CHM: variants seen among roughly 807,000 people sequenced by gnomAD.
The protein encoded by CHM is rab proteins geranylgeranyltransferase component A 1.
Under a neutral mutation model 49.0 loss-of-function variants are expected in CHM, and 10 were observed. The ratio of observed to expected loss-of-function variants is 0.20; its 90% CI spans 0.13 to 0.35. The LOEUF is 0.35. Among genes scored for constraint, CHM ranks in the 10% least tolerant of loss-of-function variants. The pLI, the probability that CHM is intolerant of heterozygous loss-of-function variation, is 1.00. For synonymous variants in CHM, 184 were observed against 167.5 expected (o/e 1.10, Z -0.76); for missense variants, 455 against 478.4 (o/e 0.95, Z 0.46).
intron 4 of CHM, chrX:85,970,380 G>C (rs1369641433): frequency 1.3e-6 from 1 of 748,876 alleles, no homozygotes; most frequent in African/African-American, 2.3e-5. Context: ...AATTAAAGAA[G>C]TAAATGCACT....
chrX:85,878,931 C>G, intron 13 of CHM, 34 bp downstream of exon 13: 1 of 983,927 alleles, frequency 1.0e-6, no homozygotes, highest in East Asian at 3.1e-5. Flanking sequence ...GTTACATTAC[C>G]TTTCCATCAT....
intron 4 of CHM, among the ~76,000 whole-genome samples, chrX:85,978,094 T>A (rs1397451781): frequency 1.8e-5 from 2 of 111,832 alleles, no homozygotes; most frequent in South Asian, 7.4e-4. Flanking sequence ...TATGTGATTA[T>A]TACCTTTTAA....
At chrX:85,928,632 G>T (rs1928235943) in intron 8 of CHM, among the ~76,000 whole-genome samples, 1 of 112,475 alleles carries the variant, frequency 8.9e-6, no homozygotes, top group Non-Finnish European at 1.9e-5. Flanking sequence ...TTTGAAAATA[G>T]CTTCCAAATT....
intron 9 of CHM, 117 bp downstream of exon 9, chrX:85,911,144 T>C (rs12389129): frequency 6.5e-5 from 1 of 15,433 alleles, no homozygotes; most frequent in African/African-American, 3.5e-4. Context: ...TATATATATA[T>C]ATATATATAT....
chrX:85,872,597 TA>T (rs1358586168), intron 14 of CHM, among the ~76,000 whole-genome samples: 1 of 112,030 alleles, frequency 8.9e-6, no homozygotes. Flanking sequence ...TTTCTATGAT[TA>T]AAAAATGCAT....
intron 12 of CHM, among the ~76,000 whole-genome samples, chrX:85,879,881 C>T (rs1315191509): frequency 1.8e-5 from 2 of 109,388 alleles, no homozygotes; most frequent in African/African-American, 6.7e-5. Flanking sequence ...AATTCCTCCC[C>T]CCACTATATT....
At position 85,911,345 on chromosome X, in the gene CHM, A is replaced by G; in HGVS notation, c.1167-7T>C. The G allele has an allele frequency of 1.0e-6, 1 of 1,001,301 alleles. No individual in the cohort carries two copies. Among genetic ancestry groups the G allele is most frequent in the Non-Finnish European group, 1.3e-6 (1 of 746,337 alleles). The allele number at this position is 1,001,301 out of a possible 1,213,427, so 82.5% of individuals were successfully genotyped here. A position where few individuals can be genotyped will look rare whatever the true frequency, so the allele number is the denominator to read the frequency against. On this transcript the variant is annotated splice_polypyrimidine_tract_variant and splice_region_variant and intron_variant, in intron 8 of 14. Coordinates refer to ENST00000357749, the MANE Select transcript of CHM (RefSeq NM_000390.4). ...ACCAAACACAGCACACATCCTAGAA[A>G]GAGAACAGAAAAATAAGAATTAGGG...
chrX:85,938,834 T>TG (rs1569419596), intron 8 of CHM, among the ~76,000 whole-genome samples: 13 of 110,517 alleles, frequency 1.2e-4, no homozygotes, highest in African/African-American at 4.0e-4. Flanking sequence ...GTGTGTGTGT[T>TG]TTTAATGATG....
Position 85,947,578 on chromosome X carries a change from ACG to A in CHM, c.1166+8573_1166+8574del, listed in dbSNP as rs1185662282. Among the ~76,000 whole-genome samples, 4 of 111,568 alleles carry A rather than the reference ACG, an allele frequency of 3.6e-5. No homozygotes were observed. In the East Asian group the frequency reaches 1.1e-3, roughly 31 times the overall value. ...AATCCTGCAGAACCATGAGCCAATT[ACG>A]CCTCTTTTCATTATAAATTACCCAG... is the stretch of plus-strand genomic sequence containing the variant. On this transcript the variant is annotated intron_variant, in intron 8 of 14. Coordinates refer to ENST00000357749, the MANE Select transcript of CHM (RefSeq NM_000390.4).
At chrX:85,876,706 C>T (rs1924437511) in intron 13 of CHM, among the ~76,000 whole-genome samples, 1 of 111,483 alleles carries the variant, frequency 9.0e-6, no homozygotes, top group Admixed American at 9.6e-5. Context: ...TTTTCAGTGC[C>T]TCAGTGCACC....
intron 5 of CHM, among the ~76,000 whole-genome samples, chrX:85,962,638 T>C (rs1458014807): frequency 1.8e-5 from 2 of 111,767 alleles, no homozygotes; most frequent in African/African-American, 3.3e-5. Context: ...TCTTGTGCTA[T>C]TCACTATCCT....
intron 4 of CHM, among the ~76,000 whole-genome samples, chrX:85,966,340 A>C (rs1930581556): frequency 2.0e-5 from 2 of 102,218 alleles, no homozygotes; most frequent in Admixed American, 2.1e-4. Flanking sequence ...CAAGAGCAAA[A>C]CTCCGTCTAA....
intron 8 of CHM, among the ~76,000 whole-genome samples, chrX:85,938,278 C>G (rs1475735970): frequency 8.9e-6 from 1 of 112,179 alleles, no homozygotes; most frequent in Non-Finnish European, 1.9e-5. Context: ...ATCATACAAA[C>G]ATAATCATGT....
chrX:85,883,941 A>G (rs760088384), intron 12 of CHM, among the ~76,000 whole-genome samples: 23 of 111,304 alleles, frequency 2.1e-4, no homozygotes, highest in Non-Finnish European at 3.6e-4. Context: ...TGTCTAGTGT[A>G]TGAGTAAGTA....
chrX:86,007,056 A>G (rs1219934264), intron 2 of CHM, among the ~76,000 whole-genome samples: 1 of 111,812 alleles, frequency 8.9e-6, no homozygotes. Context: ...TGGTACCAAA[A>G]CAGAGATATA....
Position 85,911,466 on chromosome X carries a change from T to C in CHM, c.1167-128A>G. On this transcript the variant is annotated intron_variant, in intron 8 of 14. Transcript: ENST00000357749. ...AAAAAACATTTTGATAATGTACTATTTTCTCTATCATAGTATTAAAAATCT... is the reference window on the plus strand; with the variant it reads ...AAAAAACATTTTGATAATGTACTATCTTCTCTATCATAGTATTAAAAATCT... 1.4e-5 allele frequency: 4 copies of C among 290,693 alleles called. No homozygotes were observed. The Admixed American group carries it at 1.5e-4, about 11-fold the overall frequency. 24.0% of individuals were successfully genotyped at this position (290,693 alleles called of 1,213,427 possible). A position where few individuals can be genotyped will look rare whatever the true frequency, so the allele number is the denominator to read the frequency against.
At chrX:85,893,955 C>G (rs1346492838) in intron 12 of CHM, among the ~76,000 whole-genome samples, 1 of 111,838 alleles carries the variant, frequency 8.9e-6, no homozygotes, top group Non-Finnish European at 1.9e-5. Flanking sequence ...CATAAAATTC[C>G]TTAACTGGAG....
intron 14 of CHM, among the ~76,000 whole-genome samples, chrX:85,869,447 G>C (rs1288007866): frequency 2.7e-5 from 3 of 110,910 alleles, no homozygotes; most frequent in Non-Finnish European, 3.8e-5. Context: ...CTCTGTGGCT[G>C]GATCCCACAC....
chrX:85,917,450 A>C (rs1350860238), intron 8 of CHM, among the ~76,000 whole-genome samples: 1 of 111,694 alleles, frequency 9.0e-6, no homozygotes, highest in Non-Finnish European at 1.9e-5. Context: ...TTAAAATCAA[A>C]GTTTTTTAAA....
Sources: allele counts gnomAD v4.1 joint callset (sites outside exome capture counted in the v4.1 genomes callset), GRCh38; gene constraint gnomAD v4.1.1; transcripts MANE v1.5; gene names NCBI Gene and HGNC (gene_info 2026-07-23, HGNC 2026-07-21).